The following NFIB variants were observed in gnomAD, a reference collection of about 807,000 sequenced individuals.
NFIB encodes the protein nuclear factor 1 B-type.
A neutral mutation model predicts 61.5 loss-of-function variants in NFIB; 11 were observed. That is an observed-to-expected ratio of 0.18 (90% CI 0.11 to 0.30). NFIB has a LOEUF of 0.30. NFIB is among the 10% of genes least tolerant of loss of function. The pLI, the probability that NFIB is intolerant of heterozygous loss-of-function variation, is 1.00. For missense variants in NFIB, 471 were observed against 608.9 expected, an observed-to-expected ratio of 0.77 and a Z score of 2.38; for synonymous variants, 260 against 216.5, an observed-to-expected ratio of 1.20 and a Z score of -1.76.
the NFIB span, among the ~76,000 whole-genome samples, chr9:14,448,128 T>C: frequency 1.3e-5 from 2 of 152,166 alleles, no homozygotes; most frequent in Non-Finnish European, 2.9e-5. Context: ...GCAAACATTA[T>C]ACAGTGTGAA....
At chr9:14,373,805 A>G (rs2061386663) in intron 1 of NFIB, among the ~76,000 whole-genome samples, 1 of 152,166 alleles carries the variant, frequency 6.6e-6, no homozygotes, top group Non-Finnish European at 1.5e-5. Flanking sequence ...GGGAGAGTTT[A>G]GGAAGGGCAG....
At chr9:14,215,777 T>G (rs573348271) in intron 2 of NFIB, among the ~76,000 whole-genome samples, 1 of 152,324 alleles carries the variant, frequency 6.6e-6, no homozygotes, top group East Asian at 1.9e-4. Flanking sequence ...ATTACTTTTG[T>G]TATCAAAGCA....
the NFIB span, among the ~76,000 whole-genome samples, chr9:14,476,900 A>C: frequency 6.6e-6 from 1 of 152,222 alleles, no homozygotes; most frequent in Non-Finnish European, 1.5e-5. Flanking sequence ...TATTTGTTAA[A>C]AATAGCATGT....
chr9:14,313,779 G>C lies in NFIB; in HGVS notation c.-268C>G. 7.4e-7 allele frequency: 1 copy of C among 1,343,100 alleles called. No homozygotes were observed. Among genetic ancestry groups the C allele is most frequent in the Non-Finnish European group, 9.5e-7 (1 of 1,048,226 alleles). The allele number at this position is 1,343,100 out of a possible 1,614,324, so 83.2% of individuals were successfully genotyped here. On this transcript the variant is annotated 5_prime_UTR_variant, in exon 1 of 11. Coordinates refer to ENST00000380953, the MANE Select transcript of NFIB (RefSeq NM_001190737.2). The surrounding 1 kb of genome is among the most constrained non-coding windows in gnomAD (Gnocchi z 4.5). ...CAGTCCGAGCGCGCTGGCCGTGCTT[G>C]CCGAGGCCGCCGCCGCCGCCGGTGT...
At chr9:14,253,410 TAC>T (rs1334939337) in intron 2 of NFIB, among the ~76,000 whole-genome samples, 1 of 152,190 alleles carries the variant, frequency 6.6e-6, no homozygotes, top group African/African-American at 2.4e-5. Context: ...GCTGGAAATG[TAC>T]AGAGGCAGAA....
chr9:14,154,099 A>G (rs1000060703), intron 4 of NFIB, among the ~76,000 whole-genome samples: 1 of 152,152 alleles, frequency 6.6e-6, no homozygotes, highest in Non-Finnish European at 1.5e-5. Flanking sequence ...CTGTTCTAGA[A>G]AGATAATTTT....
At chr9:14,274,251 T>TCCACACACAC (rs773858697) in intron 2 of NFIB, among the ~76,000 whole-genome samples, 1 of 123,976 alleles carries the variant, frequency 8.1e-6, no homozygotes, top group African/African-American at 3.2e-5. Context: ...TCTTCCTCCC[T>TCCACACACAC]ACACACACAC....
At chr9:14,384,686 C>G (rs2061529072) in intron 1 of NFIB, among the ~76,000 whole-genome samples, 1 of 152,062 alleles carries the variant, frequency 6.6e-6, no homozygotes, top group South Asian at 2.1e-4. Flanking sequence ...TCTCAGTCAC[C>G]TCATTGATTT....
At position 14,108,128 on chromosome 9, in the gene NFIB, T is replaced by C. The variant is rs1012870548; in HGVS notation, c.1467+4871A>G. On this transcript the variant is annotated intron_variant, in intron 10 of 10. Transcript: ENST00000380953. Reference sequence around the variant, plus strand: ...GTGTTTCCTTTCAAGCCAGCATACATGAAAAGTGACCTCTTATCCACTTAC... The same window carrying C: ...GTGTTTCCTTTCAAGCCAGCATACACGAAAAGTGACCTCTTATCCACTTAC... Among the ~76,000 whole-genome samples the C allele has an allele frequency of 7.9e-5, 12 of 152,250 alleles. 1 individual carries two copies. The highest frequency in any genetic ancestry group is 2.6e-4 in the African/African-American group (11 of 41,562).
chr9:14,113,308 A>G (rs963461366), intron 9 of NFIB, among the ~76,000 whole-genome samples: 1 of 152,190 alleles, frequency 6.6e-6, no homozygotes, highest in Non-Finnish European at 1.5e-5. Flanking sequence ...AGTAAAGCAG[A>G]TCTCATACTT....
chr9:14,338,793 T>C (rs1449853791), intron 1 of NFIB, among the ~76,000 whole-genome samples: 1 of 152,148 alleles, frequency 6.6e-6, no homozygotes, highest in Non-Finnish European at 1.5e-5. Flanking sequence ...ATTACTTTTT[T>C]CCTTCATCCA....
chr9:14,334,096 G>A (rs28727870), intron 1 of NFIB, among the ~76,000 whole-genome samples: 24,926 of 152,172 alleles, frequency 0.16, 3,722 homozygotes, highest in African/African-American at 0.41. Context: ...TATGCATACA[G>A]CACAGTTTAT....
the NFIB span, among the ~76,000 whole-genome samples, chr9:14,460,518 A>T: frequency 1.1e-3 from 143 of 133,062 alleles, no homozygotes; most frequent in African/African-American, 3.7e-3. Context: ...AAAGTATAAT[A>T]AAAAAAAAAG....
intron 1 of NFIB, among the ~76,000 whole-genome samples, chr9:14,358,319 G>C (rs2132937828): frequency 6.6e-6 from 1 of 151,502 alleles, no homozygotes; most frequent in South Asian, 2.1e-4. Context: ...TTAAAAAAAG[G>C]CTGTTCGTTT....
chr9:14,436,478 C>T, the NFIB span, among the ~76,000 whole-genome samples: 1 of 152,230 alleles, frequency 6.6e-6, no homozygotes, highest in Non-Finnish European at 1.5e-5. Flanking sequence ...TGATGTCAGT[C>T]ATTGTGTGGA....
intron 2 of NFIB, among the ~76,000 whole-genome samples, chr9:14,241,958 A>T (rs1318723897): frequency 6.6e-6 from 1 of 152,200 alleles, no homozygotes; most frequent in African/African-American, 2.4e-5. Flanking sequence ...TTTATAAATT[A>T]TCCTGTCTCA....
the NFIB span, among the ~76,000 whole-genome samples, chr9:14,452,190 G>A: frequency 3.9e-5 from 6 of 152,120 alleles, no homozygotes; most frequent in Admixed American, 1.3e-4. Flanking sequence ...CAACATTGAT[G>A]TGAACCAAGA....
At chr9:14,274,226 TTCTC>T (rs1458082882) in intron 2 of NFIB, among the ~76,000 whole-genome samples, 1 of 108,434 alleles carries the variant, frequency 9.2e-6, no homozygotes, top group South Asian at 3.1e-4. Context: ...TCTACCCCCT[TTCTC>T]TCTCTAGCAT....
chr9:14,284,488 A>T (rs2132466977), intron 2 of NFIB, among the ~76,000 whole-genome samples: 1 of 152,308 alleles, frequency 6.6e-6, no homozygotes, highest in Admixed American at 6.5e-5. Flanking sequence ...ATGATTTACA[A>T]ACCTCATAAA....
Sources: gnomAD v4.1 joint callset for allele counts (sites outside exome capture counted in the v4.1 genomes callset) on GRCh38, gnomAD v4.1.1 for gene constraint, Gnocchi (gnomAD v3.1) non-coding constraint, MANE v1.5 for transcripts, NCBI Gene and HGNC (gene_info 2026-07-23, HGNC 2026-07-21) for gene names.